EXOC6B: variants seen among roughly 807,000 people sequenced by gnomAD.
EXOC6B encodes SEC15 homolog B.
Under a neutral mutation model 113.5 loss-of-function variants are expected in EXOC6B, and 54 were observed. The observed-to-expected ratio is 0.48, with a 90% CI of 0.38 to 0.60. The LOEUF is 0.60. Among genes scored for constraint, EXOC6B ranks in the 20% least tolerant of loss-of-function variants. The pLI is 0.00. For synonymous variants in EXOC6B, 357 were observed against 339.0 expected, an observed-to-expected ratio of 1.05 and a Z score of -0.58; for missense variants, 797 against 977.5, an observed-to-expected ratio of 0.82 and a Z score of 2.46.
intron 20 of EXOC6B, among the ~76,000 whole-genome samples, chr2:72,327,596 A>G (rs1459365617): frequency 6.6e-6 from 1 of 152,106 alleles, no homozygotes; most frequent in Non-Finnish European, 1.5e-5. Context: ...GACATCTTAC[A>G]TGATTTTCTA....
chr2:72,823,924 T>C (rs1301782943), intron 1 of EXOC6B, among the ~76,000 whole-genome samples: 1 of 152,120 alleles, frequency 6.6e-6, no homozygotes, highest in African/African-American at 2.4e-5. Flanking sequence ...CTAGAGATGA[T>C]TTGAAGTATA....
At chr2:72,743,543 C>G (rs1479318072) in intron 1 of EXOC6B, among the ~76,000 whole-genome samples, 2 of 152,078 alleles carry the variant, frequency 1.3e-5, no homozygotes, top group African/African-American at 4.8e-5. Flanking sequence ...TTTGAACAAT[C>G]TCTTCCTCCT....
intron 6 of EXOC6B, among the ~76,000 whole-genome samples, chr2:72,618,624 T>C (rs1033767071): frequency 6.6e-6 from 1 of 152,220 alleles, no homozygotes; most frequent in Non-Finnish European, 1.5e-5. Context: ...CAGCAATTCG[T>C]TAGTGCCTAT....
chr2:72,286,451 T>C (rs1685423313), intron 20 of EXOC6B, among the ~76,000 whole-genome samples: 1 of 151,860 alleles, frequency 6.6e-6, no homozygotes, highest in Non-Finnish European at 1.5e-5. Flanking sequence ...AAAGGCACAA[T>C]GAGGGGGACA....
chr2:72,590,174 T>G (rs1419234974), intron 6 of EXOC6B, among the ~76,000 whole-genome samples: 2 of 151,926 alleles, frequency 1.3e-5, no homozygotes, highest in African/African-American at 4.8e-5. Flanking sequence ...GATGGGTGAT[T>G]CAAACGCATA....
At chr2:72,720,250 GA>G in intron 5 of EXOC6B, among the ~76,000 whole-genome samples, 1 of 151,882 alleles carries the variant, frequency 6.6e-6, no homozygotes, top group Non-Finnish European at 1.5e-5. Context: ...AAAAAGACAT[GA>G]AAAATAGAAA....
chr2:72,760,815 G>C, intron 1 of EXOC6B, among the ~76,000 whole-genome samples: 1 of 152,284 alleles, frequency 6.6e-6, no homozygotes, highest in African/African-American at 2.4e-5. Context: ...AAAACTGCAT[G>C]ATTAGTTCAA....
intron 5 of EXOC6B, among the ~76,000 whole-genome samples, chr2:72,722,425 T>C (rs116669684): frequency 7.6e-4 from 116 of 152,314 alleles, no homozygotes; most frequent in Middle Eastern, 6.8e-3. Context: ...GTACCACAAA[T>C]GCTAAAGACT....
rs1186731784 is a variant in EXOC6B, at chr2:72,401,524, C to CAT, written c.1981-21656_1981-21655dup. ...ATATATATATATATATACATATATACATATATATATATATATATATGTGTA... is the reference window on the plus strand; with the variant it reads ...ATATATATATATATATACATATATACATATATATATATATATATATATGTGTA... On this transcript the variant is annotated intron_variant, in intron 18 of 21. Transcript: ENST00000272427. 9.8e-4 allele frequency among the ~76,000 whole-genome samples: 29 copies of CAT among 29,700 alleles called. No individual in the cohort carries two copies. In the East Asian group the frequency reaches 0.013, roughly 13 times the overall value. The allele number at this position is 29,700 out of a possible 152,430, so 19.5% of individuals were successfully genotyped here.
chr2:72,456,352 A>G (rs761190516), intron 18 of EXOC6B, among the ~76,000 whole-genome samples: 1 of 152,122 alleles, frequency 6.6e-6, no homozygotes, highest in Non-Finnish European at 1.5e-5. Flanking sequence ...ATGACATATG[A>G]CTCAAAAATG....
chr2:72,223,905 T>C (rs1298485026), intron 20 of EXOC6B, among the ~76,000 whole-genome samples: 3 of 152,214 alleles, frequency 2.0e-5, no homozygotes, highest in Admixed American at 2.0e-4. Context: ...ACTTGGCATC[T>C]ATTAAACAGG....
chr2:72,484,694 T>C (rs1204424782), intron 16 of EXOC6B, among the ~76,000 whole-genome samples: 1 of 152,038 alleles, frequency 6.6e-6, no homozygotes, highest in Non-Finnish European at 1.5e-5. Flanking sequence ...AGTGAGAACA[T>C]GCAGTGCTTG....
At chr2:72,575,176 G>A (rs927295028) in intron 7 of EXOC6B, among the ~76,000 whole-genome samples, 2 of 152,102 alleles carry the variant, frequency 1.3e-5, no homozygotes, top group East Asian at 3.9e-4. Flanking sequence ...AGGTCACCTA[G>A]ACCTCCTGTC....
chr2:72,762,295 T>C (rs1202195232), intron 1 of EXOC6B, among the ~76,000 whole-genome samples: 1 of 148,330 alleles, frequency 6.7e-6, no homozygotes, highest in Non-Finnish European at 1.5e-5. Context: ...TATAAAGTAA[T>C]ACATTTAAAT....
At chr2:72,515,695 T>C in intron 8 of EXOC6B, 1 of 988,382 alleles carries the variant, frequency 1.0e-6, no homozygotes, top group Non-Finnish European at 1.2e-6. Context: ...TTTCTGGGCT[T>C]AAAATGAGAA....
At chr2:72,535,425 G>A (rs984358187) in intron 8 of EXOC6B, among the ~76,000 whole-genome samples, 1 of 152,166 alleles carries the variant, frequency 6.6e-6, no homozygotes, top group Non-Finnish European at 1.5e-5. Flanking sequence ...GGATATTAGA[G>A]GGGTACATAC....
At chr2:72,524,944 A>T (rs11898717) in intron 8 of EXOC6B, among the ~76,000 whole-genome samples, 4,959 of 152,308 alleles carry the variant, frequency 0.033, 291 homozygotes, top group African/African-American at 0.11. Flanking sequence ...TACATAAACT[A>T]GTGACCCTTA....
intron 1 of EXOC6B, among the ~76,000 whole-genome samples, chr2:72,801,542 G>T (rs974061926): frequency 6.6e-6 from 1 of 152,094 alleles, no homozygotes; most frequent in African/African-American, 2.4e-5. Context: ...TGCAGTAAAG[G>T]CCCTTTACAG....
chr2:72,468,722 A>G (rs112537921), intron 17 of EXOC6B, among the ~76,000 whole-genome samples: 2 of 152,122 alleles, frequency 1.3e-5, no homozygotes, highest in African/African-American at 4.8e-5. Flanking sequence ...TATGTAGATC[A>G]CTTTGGGTAA....
Sources: allele counts gnomAD v4.1 joint callset (sites outside exome capture counted in the v4.1 genomes callset), GRCh38; gene constraint gnomAD v4.1.1; transcripts MANE v1.5; gene names NCBI Gene and HGNC (gene_info 2026-07-23, HGNC 2026-07-21).